Variants in LRP1B observed in about 807,000 individuals in gnomAD.
The protein encoded by LRP1B is LDL receptor related protein 1B.
LRP1B carries 217 observed loss-of-function variants against 556.6 expected under a neutral mutation model. That is an observed-to-expected ratio of 0.39 (90% CI 0.35 to 0.44). The LOEUF is 0.44. Among genes scored for constraint, LRP1B ranks in the 20% least tolerant of loss-of-function variants. The probability of loss-of-function intolerance (pLI) is 1.00; values close to 1 mark genes in which losing one functional copy is unlikely to be tolerated. For synonymous variants in LRP1B, 2,047 were observed against 1,865.8 expected (o/e 1.10, Z -2.50); for missense variants, 5,053 against 5,620.8 (o/e 0.90, Z 3.23).
intron 41 of LRP1B, among the ~76,000 whole-genome samples, chr2:140,687,058 A>C (rs1299497785): frequency 6.6e-6 from 1 of 152,144 alleles, no homozygotes; most frequent in Admixed American, 6.5e-5. Flanking sequence ...GATGTGATGT[A>C]AACAGATTTT....
At chr2:141,971,340 T>A (rs796913645) in intron 1 of LRP1B, among the ~76,000 whole-genome samples, 9 of 151,448 alleles carry the variant, frequency 5.9e-5, no homozygotes, top group African/African-American at 7.3e-5. Flanking sequence ...AAGTTTCTTA[T>A]ATTATGGAAG....
chr2:140,811,063 G>T (rs1206060267), intron 32 of LRP1B, among the ~76,000 whole-genome samples: 1 of 151,712 alleles, frequency 6.6e-6, no homozygotes, highest in East Asian at 1.9e-4. Flanking sequence ...TTTGTTTTTT[G>T]TTTTTTTATT....
intron 3 of LRP1B, among the ~76,000 whole-genome samples, chr2:141,410,891 T>C (rs898089695): frequency 6.6e-6 from 1 of 152,022 alleles, no homozygotes; most frequent in African/African-American, 2.4e-5. Context: ...TGATAATATA[T>C]TTCAATTTGG....
chr2:141,135,711 A>G (rs1701475216), intron 7 of LRP1B, among the ~76,000 whole-genome samples: 1 of 151,962 alleles, frequency 6.6e-6, no homozygotes, highest in South Asian at 2.1e-4. Flanking sequence ...CTCAATAATA[A>G]TCCAGACAAT....
At chr2:141,338,331 T>C (rs1687924811) in intron 3 of LRP1B, among the ~76,000 whole-genome samples, 1 of 152,096 alleles carries the variant, frequency 6.6e-6, no homozygotes, top group South Asian at 2.1e-4. Flanking sequence ...AAGCAGGAGA[T>C]TTCTGCCCTT....
intron 2 of LRP1B, among the ~76,000 whole-genome samples, chr2:141,724,366 A>C (rs187081738): frequency 6.6e-6 from 1 of 152,060 alleles, no homozygotes; most frequent in Admixed American, 6.6e-5. Flanking sequence ...TGCTGGTAAA[A>C]GAGGGCAAAC....
intron 2 of LRP1B, among the ~76,000 whole-genome samples, chr2:141,797,172 T>TAC (rs1695847715): frequency 7.3e-6 from 1 of 137,128 alleles, no homozygotes; most frequent in Non-Finnish European, 1.6e-5. Flanking sequence ...TATATATATA[T>TAC]ATATATATAT....
chr2:141,086,959 G>T (rs75639444), intron 7 of LRP1B, among the ~76,000 whole-genome samples: 8,261 of 152,202 alleles, frequency 0.054, 276 homozygotes, highest in South Asian at 0.12. Context: ...GGAACATATT[G>T]GTGGTTGTTG....
At chr2:142,068,409 C>G (rs1449614049) in intron 1 of LRP1B, among the ~76,000 whole-genome samples, 1 of 151,444 alleles carries the variant, frequency 6.6e-6, no homozygotes, top group Admixed American at 6.6e-5. Flanking sequence ...TGGAATACAG[C>G]AGGAGAACTT....
chr2:140,927,707 G>A lies in LRP1B; in HGVS notation c.3137-4560C>T, dbSNP rs573477900. ...GAGGCAGATTAGTATTACGAGGAAG[G>A]CTTTTTTTTTTTTTTTTTGAGATGG... On this transcript the variant is annotated intron_variant, in intron 20 of 90. Coordinates refer to ENST00000389484, the MANE Select transcript of LRP1B (RefSeq NM_018557.3). Among the ~76,000 whole-genome samples, 503 of 87,276 alleles carry A rather than the reference G, an allele frequency of 5.8e-3. 4 individuals are homozygous for A. The highest frequency in any genetic ancestry group is 9.1e-3 in the Non-Finnish European group (425 of 46,662). The allele number at this position is 87,276 out of a possible 152,430, so 57.3% of individuals were successfully genotyped here.
At chr2:141,052,503 A>G (rs1242762540) in intron 10 of LRP1B, among the ~76,000 whole-genome samples, 2 of 152,028 alleles carry the variant, frequency 1.3e-5, no homozygotes, top group African/African-American at 2.4e-5. Flanking sequence ...TTGGATAGCT[A>G]TATTGTTTCT....
Position 141,013,674 on chromosome 2 carries a change from A to T in LRP1B, c.2262T>A (p.Thr754=). 6.2e-7 allele frequency: 1 copy of T among 1,607,880 alleles called. No individual in the cohort carries two copies. Among genetic ancestry groups the T allele is most frequent in the Non-Finnish European group, 8.5e-7 (1 of 1,177,192 alleles). The change falls in exon 14 of 91, where the codon ACT becomes ACA. Residue 754 remains threonine, a synonymous_variant. Transcript: ENST00000389484. ...LSHHGNYVFW[T]DYMNGSIFQL... ...GAAAAATGGAACCATTCATATAATCAGTCCAGAACACATAATTTCCATGAT... is the reference window on the plus strand; with the variant it reads ...GAAAAATGGAACCATTCATATAATCTGTCCAGAACACATAATTTCCATGAT...
chr2:140,596,771 T>C (rs545461147), intron 43 of LRP1B, among the ~76,000 whole-genome samples: 3 of 152,250 alleles, frequency 2.0e-5, no homozygotes, highest in African/African-American at 7.2e-5. Context: ...TGTGGCTAGG[T>C]GTTCCCGAAC....
chr2:141,300,663 T>C (rs982933889), intron 3 of LRP1B, among the ~76,000 whole-genome samples: 9 of 152,128 alleles, frequency 5.9e-5, no homozygotes, highest in African/African-American at 2.2e-4. Context: ...TTTCAGAGTA[T>C]GCAGCATTCC....
rs150386215 is a variant in LRP1B at position 141,253,826 on chromosome 2, G to A, written c.463+696C>T. 6.0e-3 allele frequency among the ~76,000 whole-genome samples: 915 copies of A among 151,246 alleles called. 1 individual carries two copies. The highest frequency in any genetic ancestry group is 0.01 in the Non-Finnish European group (697 of 67,790). ...AAGAGAGAGGCAGAGAGAGAGAGACGTGCTATATTATAGATTAGAAATATT... is the reference window on the plus strand; with the variant it reads ...AAGAGAGAGGCAGAGAGAGAGAGACATGCTATATTATAGATTAGAAATATT... On this transcript the variant is annotated intron_variant, in intron 4 of 90. Coordinates refer to ENST00000389484, the MANE Select transcript of LRP1B (RefSeq NM_018557.3).
intron 3 of LRP1B, among the ~76,000 whole-genome samples, chr2:141,314,913 C>T (rs933038470): frequency 7.9e-5 from 11 of 138,962 alleles, no homozygotes; most frequent in African/African-American, 1.3e-4. Context: ...TATATATACA[C>T]ATATATATAT....
intron 2 of LRP1B, among the ~76,000 whole-genome samples, chr2:141,615,893 A>G (rs1406147957): frequency 6.6e-6 from 1 of 152,178 alleles, no homozygotes; most frequent in Non-Finnish European, 1.5e-5. Context: ...TAGCAAATGA[A>G]GATCCAAGCT....
chr2:140,966,125 A>G (rs980358175), intron 18 of LRP1B, among the ~76,000 whole-genome samples: 5 of 152,196 alleles, frequency 3.3e-5, no homozygotes, highest in African/African-American at 1.2e-4. Flanking sequence ...TTGAGGAATC[A>G]CCACACCGTC....
intron 36 of LRP1B, 121 bp downstream of exon 36, chr2:140,716,561 C>T (rs184285502): frequency 1.1e-6 from 1 of 950,706 alleles, no homozygotes; most frequent in South Asian, 2.1e-5. Context: ...GACTATTTAC[C>T]CCTGTGGCTA....
Sources: allele counts gnomAD v4.1 joint callset (sites outside exome capture counted in the v4.1 genomes callset), GRCh38; gene constraint gnomAD v4.1.1; transcripts MANE v1.5; gene names NCBI Gene and HGNC (gene_info 2026-07-23, HGNC 2026-07-21).